NRXN1: variants seen among roughly 807,000 people sequenced by gnomAD.
NRXN1 encodes neurexin-1.
A neutral mutation model predicts 150.9 loss-of-function variants in NRXN1; 39 were observed. That is an observed-to-expected ratio of 0.26 (90% confidence interval 0.20 to 0.34). NRXN1 has a LOEUF of 0.34. NRXN1 is among the 10% of genes least tolerant of loss of function. NRXN1 has a pLI of 1.00. For synonymous variants in NRXN1, 924 were observed against 757.0 expected, an observed-to-expected ratio of 1.22 and a Z score of -3.62; for missense variants, 1,815 against 1,949.9, an observed-to-expected ratio of 0.93 and a Z score of 1.30.
chr2:50,170,765 G>T (rs1232770586), intron 18 of NRXN1, among the ~76,000 whole-genome samples: 18 of 151,298 alleles, frequency 1.2e-4, no homozygotes, highest in Non-Finnish European at 2.5e-4. Context: ...TCGTGTGTGT[G>T]TGTGTGTGTG....
At position 51,028,023 on chromosome 2, in the gene NRXN1, G is replaced by A; in HGVS notation, c.251C>T (p.Thr84Met). Residue 84 changes from threonine to methionine, a missense_variant, in exon 2 of 23, where the codon ACG becomes ATG. This residue lies in a region of NRXN1 where 554 missense variants were observed against 478.8 expected (regional missense o/e 1.16). Coordinates refer to ENST00000401669, the MANE Select transcript of NRXN1 (RefSeq NM_001330078.2). ...GCTGAGCTGCAGGCGGCCGCCGCGC[G>A]TCAGAATCAGCTCCAGGAAGTCGCA... ...GFCDFLELIL[T>M]RGGRLQLSFS... is the part of the protein sequence containing the mutation. The A allele has an allele frequency of 6.3e-7, 1 of 1,599,686 alleles. No homozygotes were observed. The highest frequency in any genetic ancestry group is 8.5e-7 in the Non-Finnish European group (1 of 1,177,706).
intron 2 of NRXN1, among the ~76,000 whole-genome samples, chr2:50,960,808 AC>A (rs527882588): frequency 1.1e-3 from 166 of 152,044 alleles, no homozygotes; most frequent in African/African-American, 3.9e-3. Flanking sequence ...AGCAATAAAA[AC>A]AAAAAAAAGC....
intron 21 of NRXN1, among the ~76,000 whole-genome samples, chr2:49,998,280 A>G (rs968516643): frequency 6.6e-6 from 1 of 152,206 alleles, no homozygotes; most frequent in African/African-American, 2.4e-5. Context: ...CTAACAGACT[A>G]CTATATGACC....
rs1005558731 is a variant in NRXN1, at chr2:50,088,459, C to T, written c.3718+2864G>A. ...ATATGTGCTTTATTTTCTTGAGGGC[C>T]GACTCTGTGTTTTACCTTGCGTATA... On this transcript the variant is annotated intron_variant, in intron 19 of 22. Coordinates refer to ENST00000401669, the MANE Select transcript of NRXN1 (RefSeq NM_001330078.2). Among the ~76,000 whole-genome samples, 7 of 151,912 alleles carry T rather than the reference C, an allele frequency of 4.6e-5. No homozygotes were observed. The East Asian group carries it at 7.7e-4, about 17-fold the overall frequency.
chr2:50,743,836 T>G (rs1169645070), intron 5 of NRXN1, among the ~76,000 whole-genome samples: 2 of 152,146 alleles, frequency 1.3e-5, no homozygotes, highest in South Asian at 2.1e-4. Flanking sequence ...AAGAAAGAAT[T>G]TGATCACACA....
intron 2 of NRXN1, among the ~76,000 whole-genome samples, chr2:51,017,041 G>T (rs1306771683): frequency 6.6e-6 from 1 of 151,824 alleles, no homozygotes; most frequent in Non-Finnish European, 1.5e-5. Context: ...ACTAATAATT[G>T]GGAGTTAAAT....
At chr2:50,934,962 T>C (rs566469310) in intron 2 of NRXN1, among the ~76,000 whole-genome samples, 1 of 152,292 alleles carries the variant, frequency 6.6e-6, no homozygotes, top group African/African-American at 2.4e-5. Context: ...ACGCTGAACC[T>C]ATTTTGATTT....
chr2:50,937,798 T>C (rs576401178), intron 2 of NRXN1, among the ~76,000 whole-genome samples: 9 of 152,164 alleles, frequency 5.9e-5, no homozygotes, highest in South Asian at 2.1e-4. Flanking sequence ...AAAGATCCAA[T>C]TGGGTGCTAA....
intron 2 of NRXN1, among the ~76,000 whole-genome samples, chr2:51,005,199 G>A (rs1360445377): frequency 1.3e-5 from 2 of 151,554 alleles, no homozygotes; most frequent in African/African-American, 2.4e-5. Flanking sequence ...TTTATTCCAA[G>A]TTGACAATTA....
intron 2 of NRXN1, among the ~76,000 whole-genome samples, chr2:51,019,953 A>G (rs1283052796): frequency 6.6e-6 from 1 of 151,772 alleles, no homozygotes; most frequent in African/African-American, 2.4e-5. Flanking sequence ...TATACTCAAC[A>G]TTTTTCAATA....
chr2:50,939,838 C>T (rs6748703), intron 2 of NRXN1, among the ~76,000 whole-genome samples: 3,522 of 152,146 alleles, frequency 0.023, 143 homozygotes, highest in African/African-American at 0.082. Flanking sequence ...GATTCCAGTG[C>T]GGATGTACAT....
intron 17 of NRXN1, among the ~76,000 whole-genome samples, chr2:50,255,760 C>G (rs1027316468): frequency 6.6e-6 from 1 of 152,130 alleles, no homozygotes; most frequent in African/African-American, 2.4e-5. Context: ...TGCATGCCAT[C>G]TGTTTTCAAA....
chr2:50,775,269 C>T (rs1166450091), intron 5 of NRXN1, among the ~76,000 whole-genome samples: 2 of 152,030 alleles, frequency 1.3e-5, no homozygotes, highest in Non-Finnish European at 2.9e-5. Flanking sequence ...CAGAATTGTT[C>T]TCTCGGTATC....
At chr2:50,731,032 C>T (rs973421938) in intron 5 of NRXN1, among the ~76,000 whole-genome samples, 6 of 152,148 alleles carry the variant, frequency 3.9e-5, no homozygotes, top group Non-Finnish European at 7.4e-5. Flanking sequence ...TTATCCTTGA[C>T]TGTAACTCAG....
At chr2:50,573,710 G>C (rs7598511) in intron 8 of NRXN1, among the ~76,000 whole-genome samples, 1 of 150,948 alleles carries the variant, frequency 6.6e-6, no homozygotes. Flanking sequence ...TGCGCTTATA[G>C]ATTCTGCCAA....
intron 18 of NRXN1, among the ~76,000 whole-genome samples, chr2:50,224,739 T>A (rs1032669085): frequency 7.4e-6 from 1 of 135,760 alleles, no homozygotes; most frequent in Non-Finnish European, 1.6e-5. Flanking sequence ...GAGAGAATGG[T>A]TAAATTGCCA....
chr2:50,002,045 A>G (rs987038656), intron 21 of NRXN1, among the ~76,000 whole-genome samples: 4 of 151,942 alleles, frequency 2.6e-5, no homozygotes, highest in African/African-American at 9.7e-5. Flanking sequence ...ATTAAGTTTT[A>G]TCAACAACCA....
In NRXN1 at chr2:50,347,644, G is replaced by C. The variant is rs2078132000; in HGVS notation, c.3365-110674C>G. ...CCCGGCGAGGGGTTCAGAGGGAAGA[G>C]TGCGCCCTTCTGAAGGAAGTGGGAA... On this transcript the variant is annotated intron_variant, in intron 17 of 22. Transcript: ENST00000401669. This position sits in a 1 kb window ranked among gnomAD's most constrained non-coding sequence, Gnocchi z 4.9. The C allele has an allele frequency of 1.0e-6, 1 of 992,658 alleles. No individual in the cohort carries two copies. 61.5% of individuals were successfully genotyped at this position (992,658 alleles called of 1,614,324 possible).
In NRXN1 at chr2:49,959,150, T is replaced by C. The variant is rs556140649; in HGVS notation, c.4129-15359A>G. Among the ~76,000 whole-genome samples, 10 of 152,324 alleles carry C rather than the reference T, an allele frequency of 6.6e-5. No homozygotes were observed. In the Middle Eastern group the frequency reaches 0.017, roughly 259 times the overall value. On this transcript the variant is annotated intron_variant, in intron 21 of 22. Coordinates refer to ENST00000401669, the MANE Select transcript of NRXN1 (RefSeq NM_001330078.2). ...ATTTTATTGAGTCCAAGCATCCTTA[T>C]TGAAACAAGATTCCACATTTCTAAA...
Sources: gnomAD v4.1 joint callset for allele counts (sites outside exome capture counted in the v4.1 genomes callset) on GRCh38, gnomAD v4.1.1 for gene constraint, gnomAD v4.1.1 regional missense constraint, Gnocchi (gnomAD v3.1) non-coding constraint, MANE v1.5 for transcripts, NCBI Gene and HGNC (gene_info 2026-07-23, HGNC 2026-07-21) for gene names.